The following CAST variants were observed in gnomAD, a reference collection of about 807,000 sequenced individuals.
The protein encoded by CAST is calpastatin, also known as MIR583 host.
In CAST, 76 loss-of-function variants were observed where a neutral mutation model predicts 119.6. The observed-to-expected ratio is 0.64, with a 90% confidence interval of 0.53 to 0.77. CAST has a LOEUF of 0.77. Among genes scored for constraint, CAST ranks in the 30% least tolerant of loss-of-function variants. The pLI, the probability that CAST is intolerant of heterozygous loss-of-function variation, is 0.00. For missense variants in CAST, 953 were observed against 946.5 expected, an observed-to-expected ratio of 1.01 and a Z score of -0.09; for synonymous variants, 319 against 331.6, an observed-to-expected ratio of 0.96 and a Z score of 0.41.
chr5:96,432,072 C>G, the CAST span: 133 of 1,525,886 alleles, frequency 8.7e-5, no homozygotes, highest in Non-Finnish European at 1.1e-4. Flanking sequence ...CCCGGGAAAA[C>G]GATTACGTAC....
At chr5:96,533,225 A>G (rs1335260784) in intron 1 of CAST, among the ~76,000 whole-genome samples, 1 of 152,130 alleles carries the variant, frequency 6.6e-6, no homozygotes, top group Non-Finnish European at 1.5e-5. Flanking sequence ...ACTCAGAAAA[A>G]TTTACTAACA....
chr5:96,620,051 A>T (rs899546100), intron 1 of CAST, among the ~76,000 whole-genome samples: 4 of 152,228 alleles, frequency 2.6e-5, no homozygotes, highest in Non-Finnish European at 5.9e-5. Flanking sequence ...ATGACAATGC[A>T]TGTTAATTTG....
upstream of CAST, among the ~76,000 whole-genome samples, chr5:96,525,100 G>T (rs145932249): frequency 6.6e-6 from 1 of 152,192 alleles, no homozygotes; most frequent in African/African-American, 2.4e-5. Context: ...TTGAGGGCAG[G>T]TCTATTCTGT....
At chr5:96,436,219 A>G in the CAST span, among the ~76,000 whole-genome samples, 1 of 152,198 alleles carries the variant, frequency 6.6e-6, no homozygotes, top group Non-Finnish European at 1.5e-5. Context: ...ATAGGGGCAA[A>G]CCTACCTATA....
the CAST span, among the ~76,000 whole-genome samples, chr5:96,447,755 A>T: frequency 6.6e-6 from 1 of 152,054 alleles, no homozygotes; most frequent in African/African-American, 2.4e-5. Flanking sequence ...AGCATGTGGG[A>T]GTTGTGTGTG....
the CAST span, among the ~76,000 whole-genome samples, chr5:96,006,297 C>A: frequency 5.3e-5 from 8 of 151,796 alleles, no homozygotes; most frequent in Admixed American, 2.0e-4. Context: ...CTTCCCTGGG[C>A]CACAATGGAA....
the CAST span, among the ~76,000 whole-genome samples, chr5:96,367,402 G>T: frequency 2.6e-5 from 4 of 151,806 alleles, no homozygotes; most frequent in African/African-American, 9.7e-5. Context: ...CTTTTCTTTG[G>T]CTATGCCCTG....
chr5:96,132,245 C>CT, the CAST span, among the ~76,000 whole-genome samples: 1 of 151,918 alleles, frequency 6.6e-6, no homozygotes, highest in Non-Finnish European at 1.5e-5. Context: ...AAAGCCTGCA[C>CT]TAGGGAAATA....
At chr5:96,147,095 G>A in the CAST span, among the ~76,000 whole-genome samples, 1 of 152,118 alleles carries the variant, frequency 6.6e-6, no homozygotes, top group South Asian at 2.1e-4. Context: ...CTGTGATTAT[G>A]CACAGCTGGA....
chr5:96,583,431 G>A (rs1473199401), intron 1 of CAST, among the ~76,000 whole-genome samples: 1 of 152,216 alleles, frequency 6.6e-6, no homozygotes, highest in South Asian at 2.1e-4. Flanking sequence ...ACAAGGTCTG[G>A]AGTTTAAGCA....
chr5:96,628,342 C>A (rs1747763006), intron 1 of CAST, among the ~76,000 whole-genome samples: 1 of 152,176 alleles, frequency 6.6e-6, no homozygotes, highest in African/African-American at 2.4e-5. Flanking sequence ...GCAAGAATGG[C>A]AATAATGAGT....
chr5:96,572,641 C>A (rs1746592062), intron 1 of CAST, among the ~76,000 whole-genome samples: 1 of 152,194 alleles, frequency 6.6e-6, no homozygotes, highest in Non-Finnish European at 1.5e-5. Context: ...GACTTGGTAT[C>A]TCCTGGCCTT....
chr5:96,151,816 G>GCTTCA, the CAST span, among the ~76,000 whole-genome samples: 2 of 152,320 alleles, frequency 1.3e-5, no homozygotes, highest in South Asian at 2.1e-4. Context: ...ACTGAAAACT[G>GCTTCA]AGGCTTAATT....
chr5:96,208,771 G>A, the CAST span, among the ~76,000 whole-genome samples: 144 of 152,010 alleles, frequency 9.5e-4, 1 homozygote, highest in Middle Eastern at 0.01. Flanking sequence ...TATATGACAT[G>A]TGCAGCTGAG....
At chr5:96,341,461 C>G in the CAST span, among the ~76,000 whole-genome samples, 1 of 151,798 alleles carries the variant, frequency 6.6e-6, no homozygotes, top group African/African-American at 2.4e-5. Flanking sequence ...AGGTCAAATT[C>G]GAAATAACAA....
chr5:96,409,168 C>T, the CAST span, among the ~76,000 whole-genome samples: 1 of 152,186 alleles, frequency 6.6e-6, no homozygotes, highest in African/African-American at 2.4e-5. Context: ...GAAAAGACTT[C>T]CTGTCTGCCT....
intron 9 of CAST, among the ~76,000 whole-genome samples, chr5:96,731,426 TCTACCCATAGCA>T (rs373215865): frequency 0.092 from 13,937 of 151,488 alleles, 843 homozygotes; most frequent in Middle Eastern, 0.15. Context: ...ATCTACCTTT[TCTACCCATAGCA>T]ATATAGAATT....
chr5:96,710,349 A>G lies in CAST; in HGVS notation c.211-12290A>G, dbSNP rs112054468. Among the ~76,000 whole-genome samples the G allele has an allele frequency of 3.9e-3, 591 of 152,292 alleles. 10 individuals carry two copies. The highest frequency in any genetic ancestry group is 0.033 in the South Asian group (157 of 4,828). ...TGGTCCTTTCAATGAGCCACTACAA[A>G]GCCATCTTGTTTTAAATTACCTAAA... On this transcript the variant is annotated intron_variant, in intron 3 of 31. Transcript: ENST00000675179.
the CAST span, among the ~76,000 whole-genome samples, chr5:96,167,328 GTT>G: frequency 3.9e-5 from 6 of 152,186 alleles, no homozygotes; most frequent in South Asian, 1.0e-3. Flanking sequence ...TTTATGTGTA[GTT>G]GAGAATGGTG....
Sources: allele counts gnomAD v4.1 joint callset (sites outside exome capture counted in the v4.1 genomes callset), GRCh38; gene constraint gnomAD v4.1.1; transcripts MANE v1.5; gene names NCBI Gene and HGNC (gene_info 2026-07-23, HGNC 2026-07-21).